SNX16: variants seen among roughly 807,000 people sequenced by gnomAD.
SNX16 encodes sorting nexin-16.
A neutral mutation model predicts 36.7 loss-of-function variants in SNX16; 35 were observed. The ratio of observed to expected loss-of-function variants is 0.95; its 90% CI spans 0.73 to 1.27. The LOEUF is 1.27. Ranked by LOEUF, SNX16 falls within the 50% of genes most tolerant of loss-of-function variation. SNX16 has a pLI of 0.00. For synonymous variants in SNX16, 134 were observed against 132.0 expected (o/e 1.02, Z -0.10); for missense variants, 367 against 393.6 (o/e 0.93, Z 0.57).
intron 6 of SNX16, 37 bp downstream of exon 6, chr8:81,803,055 A>T (rs770411403): frequency 6.4e-7 from 1 of 1,552,296 alleles, no homozygotes; most frequent in Non-Finnish European, 8.7e-7. Context: ...TTAAGGGTTG[A>T]ATTAGTCAGA....
At chr8:81,807,923 C>G (rs1810041791) in intron 5 of SNX16, 4 of 769,982 alleles carry the variant, frequency 5.2e-6, no homozygotes, top group Admixed American at 1.7e-5. Flanking sequence ...AATCCAAACA[C>G]CAGGTGCTCC....
chr8:81,810,838 C>T (rs1563435060), intron 5 of SNX16, among the ~76,000 whole-genome samples: 4 of 152,058 alleles, frequency 2.6e-5, no homozygotes, highest in Admixed American at 2.0e-4. Context: ...GCTCTAGCCT[C>T]GGCCACCAAA....
chr8:81,835,167 G>A (rs1176782400), intron 2 of SNX16, among the ~76,000 whole-genome samples: 2 of 152,160 alleles, frequency 1.3e-5, no homozygotes, highest in Admixed American at 6.5e-5. Context: ...CTGAAGTCAC[G>A]GCCTGAGCTC....
At chr8:81,822,962 A>ATATATATATATGTATATG (rs1325528431) in intron 4 of SNX16, among the ~76,000 whole-genome samples, 31 of 111,182 alleles carry the variant, frequency 2.8e-4, no homozygotes, top group African/African-American at 1.0e-3. Context: ...ATATATATAT[A>ATATATATATATGTATATG]TATATATATA....
At chr8:81,811,070 ATACTT>A (rs1446162798) in intron 5 of SNX16, among the ~76,000 whole-genome samples, 3 of 152,324 alleles carry the variant, frequency 2.0e-5, no homozygotes, top group East Asian at 1.9e-4. Flanking sequence ...AAAGAATACT[ATACTT>A]TAAAGGAATA....
At chr8:81,820,727 CTT>C (rs1810704259) in intron 4 of SNX16, among the ~76,000 whole-genome samples, 1 of 151,852 alleles carries the variant, frequency 6.6e-6, no homozygotes, top group African/African-American at 2.4e-5. Context: ...TCTTTGAGTT[CTT>C]GTTACTTTTA....
intron 5 of SNX16, chr8:81,808,638 G>A: frequency 1.1e-6 from 1 of 928,224 alleles, no homozygotes; most frequent in East Asian, 2.4e-5. Context: ...TGGCCCCCAT[G>A]GTGGTGGAGG....
Position 81,801,531 on chromosome 8 carries a change from A to T in SNX16, c.1001T>A (p.Val334Glu). 1 of 1,597,010 alleles carries T rather than the reference A, an allele frequency of 6.3e-7. No homozygotes were observed. Among genetic ancestry groups the T allele is most frequent in the African/African-American group, 1.4e-5 (1 of 74,050 alleles). ...EPENAVSEIE[V>E]AEVAYDAEED The stretch of plus-strand genomic sequence containing the variant: ...TTCAGCATCATATGCCACTTCTGCT[A>T]CTTCTATCTCTGATACAGCATTTTC... Residue 334 changes from valine to glutamate, a missense_variant, in exon 8 of 8, where the codon GTA becomes GAA. Coordinates refer to ENST00000345957, the MANE Select transcript of SNX16 (RefSeq NM_152836.3).
intron 4 of SNX16, among the ~76,000 whole-genome samples, chr8:81,822,951 T>TAC (rs1348521199): frequency 7.5e-5 from 5 of 66,332 alleles, no homozygotes; most frequent in African/African-American, 1.3e-4. Context: ...CATATACATA[T>TAC]ATATATATAT....
At chr8:81,836,589 CT>C (rs1216077084) in intron 2 of SNX16, among the ~76,000 whole-genome samples, 1 of 152,200 alleles carries the variant, frequency 6.6e-6, no homozygotes, top group African/African-American at 2.4e-5. Context: ...CCACACTCCA[CT>C]TCCAAATCAT....
chr8:81,842,001 G>A (rs1274484932), intron 1 of SNX16, 121 bp downstream of exon 1: 1 of 151,988 alleles, frequency 6.6e-6, no homozygotes, highest in Non-Finnish European at 1.5e-5. Context: ...GCTTCCTGCG[G>A]CGCCTCTCCA....
At position 81,839,610 on chromosome 8, in the gene SNX16, A is replaced by C; in HGVS notation, c.375+2T>G. The C allele has an allele frequency of 6.2e-7, 1 of 1,606,372 alleles. No individual in the cohort carries two copies. The highest frequency in any genetic ancestry group is 8.5e-7 in the Non-Finnish European group (1 of 1,175,862). On this transcript the variant is annotated splice_donor_variant, in intron 2 of 7. Transcript: ENST00000345957. LOFTEE classifies it high-confidence loss of function. ...TGTTATACAGCAGAAGTCAATACTT[A>C]CAGTAAATTTAGCTCTTTCTTCCAT...
In SNX16 at chr8:81,839,609, T is replaced by TA. The variant is rs751730067; in HGVS notation, c.375+2dup. The TA allele has an allele frequency of 6.2e-7, 1 of 1,606,168 alleles. No homozygotes were observed. Among genetic ancestry groups the TA allele is most frequent in the South Asian group, 1.1e-5 (1 of 90,162 alleles). The stretch of plus-strand genomic sequence containing the variant: ...GTGTTATACAGCAGAAGTCAATACT[T>TA]ACAGTAAATTTAGCTCTTTCTTCCA... On this transcript the variant is annotated splice_region_variant and intron_variant, in intron 2 of 7. Transcript: ENST00000345957.
chr8:81,839,305 A>C (rs1022913468), intron 2 of SNX16, among the ~76,000 whole-genome samples: 2 of 152,208 alleles, frequency 1.3e-5, no homozygotes, highest in African/African-American at 4.8e-5. Flanking sequence ...AATCTAGGCT[A>C]TACAAAAGTA....
At chr8:81,808,410 G>A in intron 5 of SNX16, 3 of 1,226,370 alleles carry the variant, frequency 2.4e-6, no homozygotes, top group Non-Finnish European at 3.6e-6. Flanking sequence ...CGGTGGGAAT[G>A]ACAACTTTGG....
intron 2 of SNX16, among the ~76,000 whole-genome samples, chr8:81,831,465 G>A (rs894373879): frequency 4.6e-5 from 7 of 152,080 alleles, no homozygotes; most frequent in African/African-American, 1.7e-4. Flanking sequence ...GGCTGAGGTG[G>A]GCAGATCACT....
At position 81,826,572 on chromosome 8, in the gene SNX16, C is replaced by T. The variant is rs4739628; in HGVS notation, c.463-2632G>A. On this transcript the variant is annotated intron_variant, in intron 3 of 7. Coordinates refer to ENST00000345957, the MANE Select transcript of SNX16 (RefSeq NM_152836.3). ...CTCCCAGTCCACCCTAAAACCCCGC[C>T]TGGTTGCCCCAACTCTGATAAGCCC... Among the ~76,000 whole-genome samples the T allele has an allele frequency of 2.0e-5, 3 of 152,036 alleles. No individual in the cohort carries two copies. In the East Asian group the frequency reaches 5.8e-4, roughly 29 times the overall value.
At chr8:81,804,198 CA>C (rs1809835240) in intron 5 of SNX16, among the ~76,000 whole-genome samples, 1 of 147,040 alleles carries the variant, frequency 6.8e-6, no homozygotes, top group Admixed American at 8.0e-5. Context: ...AAGAATGAAA[CA>C]AAATTAAAAG....
At chr8:81,830,307 C>A (rs1811194309) in intron 2 of SNX16, among the ~76,000 whole-genome samples, 1 of 152,044 alleles carries the variant, frequency 6.6e-6, no homozygotes, top group African/African-American at 2.4e-5. Context: ...TGGTGGCTCA[C>A]ACCTGTAATC....
Sources: allele counts gnomAD v4.1 joint callset (sites outside exome capture counted in the v4.1 genomes callset), GRCh38; gene constraint gnomAD v4.1.1; transcripts MANE v1.5; gene names NCBI Gene and HGNC (gene_info 2026-07-23, HGNC 2026-07-21).